The following CDH18 variants were observed in gnomAD, a reference collection of about 807,000 sequenced individuals.
CDH18 encodes cadherin-18.
CDH18 carries 31 observed loss-of-function variants against 67.9 expected under a neutral mutation model. The observed-to-expected ratio is 0.46, with a 90% confidence interval of 0.34 to 0.62. The LOEUF (loss-of-function observed/expected upper bound fraction) is 0.62, where lower values mean the gene tolerates loss of function less well. Ranked by LOEUF, CDH18 falls within the 20% of genes least tolerant of loss-of-function variation. The pLI is 0.01. For missense variants in CDH18, 890 were observed against 975.5 expected (o/e 0.91, Z 1.17); for synonymous variants, 362 against 347.2 (o/e 1.04, Z -0.48).
intron 2 of CDH18, among the ~76,000 whole-genome samples, chr5:20,163,727 C>T (rs1736068542): frequency 6.6e-6 from 1 of 152,144 alleles, no homozygotes; most frequent in Non-Finnish European, 1.5e-5. Context: ...AAGGTTAAAA[C>T]ATATAAAGCA....
intron 3 of CDH18, among the ~76,000 whole-genome samples, chr5:19,784,264 G>C (rs1263150749): frequency 6.6e-6 from 1 of 152,154 alleles, no homozygotes; most frequent in Non-Finnish European, 1.5e-5. Context: ...TTGTAGAACA[G>C]ATGATAACTT....
intron 1 of CDH18, among the ~76,000 whole-genome samples, chr5:20,345,318 G>C (rs776808183): frequency 1.3e-5 from 2 of 152,104 alleles, no homozygotes; most frequent in East Asian, 1.9e-4. Context: ...TAATTCTCAC[G>C]ATAAGGCAAC....
chr5:19,863,833 A>T (rs1264872609), intron 2 of CDH18, among the ~76,000 whole-genome samples: 1 of 152,150 alleles, frequency 6.6e-6, no homozygotes, highest in Non-Finnish European at 1.5e-5. Context: ...TGAGGAGATG[A>T]TCCAAATCCC....
intron 11 of CDH18, among the ~76,000 whole-genome samples, chr5:19,492,534 AAAGT>A (rs1208865742): frequency 6.6e-6 from 1 of 152,156 alleles, no homozygotes; most frequent in African/African-American, 2.4e-5. Flanking sequence ...ATCACAACTT[AAAGT>A]AAGAAAAAAA....
intron 2 of CDH18, among the ~76,000 whole-genome samples, chr5:19,960,797 ATG>A (rs1796807398): frequency 6.7e-6 from 1 of 149,262 alleles, no homozygotes; most frequent in South Asian, 2.1e-4. Flanking sequence ...ATGTGTATAT[ATG>A]TATATATACA....
At chr5:19,647,850 C>A (rs1480996235) in intron 5 of CDH18, among the ~76,000 whole-genome samples, 1 of 152,092 alleles carries the variant, frequency 6.6e-6, no homozygotes, top group African/African-American at 2.4e-5. Context: ...GAAAACCCTA[C>A]TTTCATTTGT....
At chr5:19,857,301 G>T (rs79655581) in intron 2 of CDH18, among the ~76,000 whole-genome samples, 1,949 of 151,886 alleles carry the variant, frequency 0.013, 37 homozygotes, top group African/African-American at 0.045. Context: ...GTCACAACTG[G>T]AAAGCATACA....
intron 5 of CDH18, among the ~76,000 whole-genome samples, chr5:19,715,109 A>G (rs1765183282): frequency 6.6e-6 from 1 of 152,150 alleles, no homozygotes; most frequent in African/African-American, 2.4e-5. Flanking sequence ...TTTAAAATCT[A>G]TAGGACTTCC....
At chr5:20,253,535 G>T (rs1561914746) in intron 2 of CDH18, among the ~76,000 whole-genome samples, 2 of 152,158 alleles carry the variant, frequency 1.3e-5, no homozygotes, top group Admixed American at 6.5e-5. Context: ...TCCAAGAGCT[G>T]AATGATGTAA....
At chr5:19,892,469 C>T (rs1788879512) in intron 2 of CDH18, among the ~76,000 whole-genome samples, 1 of 152,044 alleles carries the variant, frequency 6.6e-6, no homozygotes, top group Non-Finnish European at 1.5e-5. Flanking sequence ...GTCTAAAATT[C>T]TTAACACTGG....
chr5:19,697,035 A>G (rs1469406925), intron 5 of CDH18, among the ~76,000 whole-genome samples: 1 of 152,220 alleles, frequency 6.6e-6, no homozygotes, highest in African/African-American at 2.4e-5. Context: ...AGCTCAATGA[A>G]TGAAACAGTT....
chr5:20,564,216 C>T (rs748291742), intron 1 of CDH18, among the ~76,000 whole-genome samples: 13 of 151,738 alleles, frequency 8.6e-5, no homozygotes, highest in Non-Finnish European at 1.6e-4. Flanking sequence ...CCTCCATAAT[C>T]GTTCTTAATC....
chr5:19,918,978 G>A (rs1328540762), intron 2 of CDH18, among the ~76,000 whole-genome samples: 3 of 152,110 alleles, frequency 2.0e-5, no homozygotes, highest in Non-Finnish European at 4.4e-5. Context: ...CATATGACCA[G>A]AAGATTAGAA....
intron 4 of CDH18, among the ~76,000 whole-genome samples, chr5:19,727,092 A>T (rs1004297699): frequency 2.6e-5 from 4 of 152,204 alleles, no homozygotes; most frequent in African/African-American, 9.6e-5. Flanking sequence ...GCTTTCTGTT[A>T]TGTGAGCCCA....
intron 5 of CDH18, among the ~76,000 whole-genome samples, chr5:19,613,674 A>C (rs1005851088): frequency 6.6e-6 from 1 of 152,130 alleles, no homozygotes; most frequent in Non-Finnish European, 1.5e-5. Flanking sequence ...TACATACATA[A>C]ATTTAATAGC....
At chr5:19,731,951 C>T (rs1767652696) in intron 4 of CDH18, among the ~76,000 whole-genome samples, 1 of 148,916 alleles carries the variant, frequency 6.7e-6, no homozygotes, top group Non-Finnish European at 1.5e-5. Flanking sequence ...TTAGCCAGAC[C>T]TGGTAGTACA....
rs576236001 is a variant in CDH18 at position 19,593,540 on chromosome 5, TCTC to T, written c.812-2299_812-2297del. Among the ~76,000 whole-genome samples, 66 of 151,594 alleles carry T rather than the reference TCTC, an allele frequency of 4.4e-4. 1 individual carries two copies. The highest frequency in any genetic ancestry group is 1.6e-3 in the African/African-American group (64 of 41,290). The stretch of plus-strand genomic sequence containing the variant: ...ATTGATCATTTTTTTCCTTCCTTCT[TCTC>T]CTTCTCCCTCTCCTCCTCCCTTTCT... On this transcript the variant is annotated intron_variant, in intron 6 of 12. Coordinates refer to ENST00000382275, the MANE Select transcript of CDH18 (RefSeq NM_004934.5).
chr5:19,618,203 TTTTC>T (rs1346705859), intron 5 of CDH18, among the ~76,000 whole-genome samples: 1 of 151,876 alleles, frequency 6.6e-6, no homozygotes, highest in Non-Finnish European at 1.5e-5. Context: ...TTCTGCTTAT[TTTTC>T]TTTCTTTTTT....
At chr5:19,489,549 T>C (rs759781245) in intron 11 of CDH18, among the ~76,000 whole-genome samples, 10 of 152,060 alleles carry the variant, frequency 6.6e-5, no homozygotes, top group Non-Finnish European at 1.0e-4. Flanking sequence ...GCCTGGCCAA[T>C]ATTTGTTCTT....
Sources: gnomAD v4.1 joint callset for allele counts (sites outside exome capture counted in the v4.1 genomes callset) on GRCh38, gnomAD v4.1.1 for gene constraint, MANE v1.5 for transcripts, NCBI Gene and HGNC (gene_info 2026-07-23, HGNC 2026-07-21) for gene names.